GULP1: variants seen among roughly 807,000 people sequenced by gnomAD.
GULP1 encodes GULP PTB domain containing engulfment adaptor 1, also known as PTB domain-containing engulfment adapter protein 1.
GULP1 carries 19 observed loss-of-function variants against 40.9 expected under a neutral mutation model. The ratio of observed to expected loss-of-function variants is 0.46; its 90% CI spans 0.32 to 0.68. The LOEUF is 0.68. GULP1 is among the 30% of genes least tolerant of loss of function. GULP1 has a pLI of 0.03. For synonymous variants in GULP1, 119 were observed against 117.6 expected, an observed-to-expected ratio of 1.01 and a Z score of -0.08; for missense variants, 312 against 362.2, an observed-to-expected ratio of 0.86 and a Z score of 1.12.
chr2:188,541,846 A>G (rs1216635786), intron 7 of GULP1: 1 of 161,374 alleles, frequency 6.2e-6, no homozygotes, highest in Non-Finnish European at 1.3e-5. Flanking sequence ...GCGGTGGCTC[A>G]CGCCTGTAAT....
intron 1 of GULP1, among the ~76,000 whole-genome samples, chr2:188,368,303 C>T (rs368089590): frequency 2.0e-4 from 30 of 152,122 alleles, no homozygotes; most frequent in South Asian, 1.0e-3. Context: ...ACTTTATGGC[C>T]GAGTGTGGTG....
At chr2:188,373,757 T>C (rs2047927097) in intron 1 of GULP1, among the ~76,000 whole-genome samples, 1 of 152,020 alleles carries the variant, frequency 6.6e-6, no homozygotes, top group Non-Finnish European at 1.5e-5. Context: ...GGAATAATAC[T>C]ATTAAGCTTC....
intron 2 of GULP1, among the ~76,000 whole-genome samples, chr2:188,432,590 A>G (rs1037099088): frequency 2.2e-4 from 34 of 151,828 alleles, no homozygotes; most frequent in African/African-American, 8.0e-4. Flanking sequence ...TAGTTTTATA[A>G]CCTTCATGTC....
At chr2:188,356,584 A>G (rs1249245913) in intron 1 of GULP1, among the ~76,000 whole-genome samples, 1 of 152,172 alleles carries the variant, frequency 6.6e-6, no homozygotes, top group Non-Finnish European at 1.5e-5. Context: ...GATTAACACA[A>G]TTAATATTGT....
chr2:188,512,063 C>T (rs556913325), intron 4 of GULP1, among the ~76,000 whole-genome samples: 1 of 152,148 alleles, frequency 6.6e-6, no homozygotes, highest in South Asian at 2.1e-4. Flanking sequence ...GGCAATGGGA[C>T]CATAGGAAGT....
chr2:188,297,861 C>T lies in GULP1; in HGVS notation c.-172+5695C>T, dbSNP rs570817923. Among the ~76,000 whole-genome samples the T allele has an allele frequency of 1.3e-4, 19 of 151,814 alleles. No individual in the cohort carries two copies. The South Asian group carries it at 2.5e-3, about 20-fold the overall frequency. On this transcript the variant is annotated intron_variant, in intron 1 of 11. Transcript: ENST00000409830. ...AGAACATTTGTAGTATGGTAGCAAA[C>T]GTGCAAATTTGGGATAAAAAATTGA...
At chr2:188,332,522 G>T (rs2041740512) in intron 1 of GULP1, among the ~76,000 whole-genome samples, 1 of 152,060 alleles carries the variant, frequency 6.6e-6, no homozygotes, top group South Asian at 2.1e-4. Context: ...TGTGTTCCAG[G>T]ATCTGTGCCA....
At chr2:188,304,998 G>T (rs2036808106) in intron 1 of GULP1, among the ~76,000 whole-genome samples, 1 of 152,020 alleles carries the variant, frequency 6.6e-6, no homozygotes, top group African/African-American at 2.4e-5. Context: ...AGATCTCACA[G>T]GTTGAGGGCT....
At chr2:188,361,307 G>T (rs2046047468) in intron 1 of GULP1, among the ~76,000 whole-genome samples, 1 of 151,988 alleles carries the variant, frequency 6.6e-6, no homozygotes, top group African/African-American at 2.4e-5. Flanking sequence ...CTAGGCCAAG[G>T]TCTAGGAAAA....
intron 2 of GULP1, among the ~76,000 whole-genome samples, chr2:188,430,116 A>G (rs531573192): frequency 5.3e-5 from 8 of 152,194 alleles, no homozygotes; most frequent in Admixed American, 2.0e-4. Context: ...GATTTTGAAG[A>G]TGTTTGTCAA....
chr2:188,520,992 T>C (rs1222320872), intron 4 of GULP1, among the ~76,000 whole-genome samples: 1 of 152,168 alleles, frequency 6.6e-6, no homozygotes, highest in African/African-American at 2.4e-5. Flanking sequence ...TTCCCTTCTA[T>C]TCTGTAAGTT....
chr2:188,402,632 T>C (rs953417288), intron 2 of GULP1, among the ~76,000 whole-genome samples: 43 of 152,006 alleles, frequency 2.8e-4, no homozygotes, highest in African/African-American at 9.2e-4. Flanking sequence ...GCTGGGAATG[T>C]TTAAATGACT....
intron 5 of GULP1, among the ~76,000 whole-genome samples, chr2:188,527,843 G>A (rs1311530636): frequency 2.0e-5 from 3 of 152,224 alleles, no homozygotes; most frequent in Admixed American, 6.5e-5. Flanking sequence ...GCTCCAGGAC[G>A]GAGCTATACC....
intron 1 of GULP1, among the ~76,000 whole-genome samples, chr2:188,352,971 T>C (rs979473486): frequency 6.6e-6 from 1 of 152,150 alleles, no homozygotes; most frequent in Non-Finnish European, 1.5e-5. Context: ...TTAAATAAAG[T>C]CATTTTCCCT....
intron 6 of GULP1, among the ~76,000 whole-genome samples, chr2:188,531,083 A>G (rs1687424554): frequency 6.6e-6 from 1 of 152,172 alleles, no homozygotes; most frequent in Non-Finnish European, 1.5e-5. Context: ...TCCCAGCAAC[A>G]ACTTGCTATT....
intron 1 of GULP1, among the ~76,000 whole-genome samples, chr2:188,324,473 C>T (rs987949293): frequency 1.3e-5 from 2 of 151,962 alleles, no homozygotes; most frequent in Admixed American, 6.6e-5. Flanking sequence ...AGATTTTTCC[C>T]TCCCTTATTA....
intron 4 of GULP1, among the ~76,000 whole-genome samples, chr2:188,494,831 T>C (rs1462631547): frequency 6.6e-5 from 10 of 152,004 alleles, no homozygotes; most frequent in Admixed American, 6.6e-4. Context: ...TCACAATCTC[T>C]TTCCACTCTT....
At chr2:188,462,420 G>A (rs2059782705) in intron 2 of GULP1, among the ~76,000 whole-genome samples, 1 of 152,184 alleles carries the variant, frequency 6.6e-6, no homozygotes, top group South Asian at 2.1e-4. Context: ...GAAATGCTCT[G>A]TAAATACCTA....
chr2:188,415,928 A>G (rs943574231), intron 2 of GULP1, among the ~76,000 whole-genome samples: 1 of 152,184 alleles, frequency 6.6e-6, no homozygotes, highest in Non-Finnish European at 1.5e-5. Context: ...GTGCTCTGTT[A>G]GAAGATTGTT....
Sources: allele counts gnomAD v4.1 joint callset (sites outside exome capture counted in the v4.1 genomes callset), GRCh38; gene constraint gnomAD v4.1.1; transcripts MANE v1.5; gene names NCBI Gene and HGNC (gene_info 2026-07-23, HGNC 2026-07-21).